Variants in CYRIA observed in about 807,000 individuals in gnomAD.
CYRIA encodes CYFIP related Rac1 interactor A, also known as CYFIP-related Rac1 interactor A.
In CYRIA, 15 loss-of-function variants were observed where a neutral mutation model predicts 43.9. That is an observed-to-expected ratio of 0.34 (90% CI 0.23 to 0.53). The LOEUF (loss-of-function observed/expected upper bound fraction) is 0.53, where lower values mean the gene tolerates loss of function less well. Ranked by LOEUF, CYRIA falls within the 20% of genes least tolerant of loss-of-function variation. The pLI is 0.94. For missense variants in CYRIA, 236 were observed against 394.2 expected, an observed-to-expected ratio of 0.60 and a Z score of 3.40; for synonymous variants, 117 against 136.0, an observed-to-expected ratio of 0.86 and a Z score of 0.97.
At chr2:16,663,415 G>A (rs1201550690) in intron 1 of CYRIA, among the ~76,000 whole-genome samples, 1 of 152,138 alleles carries the variant, frequency 6.6e-6, no homozygotes, top group African/African-American at 2.4e-5. Context: ...CCTAGAGCAT[G>A]GCAATGTGAA....
chr2:16,570,121 G>A (rs914635367), intron 3 of CYRIA, among the ~76,000 whole-genome samples: 7 of 151,990 alleles, frequency 4.6e-5, no homozygotes, highest in Non-Finnish European at 7.4e-5. Context: ...GTCCTATTAC[G>A]TTTAGATCCT....
chr2:16,617,237 G>T (rs6750902), intron 2 of CYRIA, among the ~76,000 whole-genome samples: 52,293 of 152,136 alleles, frequency 0.34, 10,097 homozygotes, highest in Non-Finnish European at 0.43. Context: ...ACCAAGTGGG[G>T]TCCTTAGAGG....
chr2:16,631,561 A>G (rs906377849), intron 1 of CYRIA, among the ~76,000 whole-genome samples: 2 of 152,248 alleles, frequency 1.3e-5, no homozygotes, highest in African/African-American at 4.8e-5. Flanking sequence ...ACTCAAGCCC[A>G]ACAATCATAA....
At chr2:16,561,623 A>G in intron 6 of CYRIA, 90 bp from the exon 7 acceptor site, 1 of 976,166 alleles carries the variant, frequency 1.0e-6, no homozygotes, top group Non-Finnish European at 1.6e-6. Context: ...GATTTTATAA[A>G]TACTCCAGGA....
chr2:16,654,904 C>T (rs530100692), intron 1 of CYRIA, among the ~76,000 whole-genome samples: 1 of 152,302 alleles, frequency 6.6e-6, no homozygotes, highest in African/African-American at 2.4e-5. Flanking sequence ...AACTCACATT[C>T]ATATACCACA....
chr2:16,590,948 C>T (rs150388814), intron 2 of CYRIA, among the ~76,000 whole-genome samples: 1 of 152,194 alleles, frequency 6.6e-6, no homozygotes, highest in East Asian at 1.9e-4. Context: ...ATTGGTCCAT[C>T]ATCACACAGA....
intron 10 of CYRIA, among the ~76,000 whole-genome samples, chr2:16,558,946 A>G (rs1363973205): frequency 6.6e-6 from 1 of 152,142 alleles, no homozygotes; most frequent in African/African-American, 2.4e-5. Context: ...ATCAGAGAGG[A>G]AGAGGAAGGG....
At chr2:16,560,702 G>T in intron 9 of CYRIA, 1 of 443,634 alleles carries the variant, frequency 2.3e-6, no homozygotes, top group Non-Finnish European at 4.1e-6. Flanking sequence ...CCTCCATTTG[G>T]TTCTTACAGA....
At chr2:16,663,394 T>C (rs994840090) in intron 1 of CYRIA, among the ~76,000 whole-genome samples, 1 of 152,206 alleles carries the variant, frequency 6.6e-6, no homozygotes, top group African/African-American at 2.4e-5. Context: ...GCTCAGCTTA[T>C]TTTTAACAAA....
intron 1 of CYRIA, among the ~76,000 whole-genome samples, chr2:16,655,951 C>T (rs566617319): frequency 2.0e-5 from 3 of 152,118 alleles, no homozygotes; most frequent in South Asian, 4.2e-4. Context: ...TTGCTTTCTG[C>T]CAGTTAATGT....
In CYRIA at chr2:16,657,484, T is replaced by A. The variant is rs1670148842; in HGVS notation, c.-167+8296A>T. Among the ~76,000 whole-genome samples, 4 of 151,946 alleles carry A rather than the reference T, an allele frequency of 2.6e-5. No individual in the cohort carries two copies. In the South Asian group the frequency reaches 8.3e-4, roughly 31 times the overall value. ...TGTTTTTTGATGTTTTTTGTTGTTT[T>A]TTTTTTTTTGGCTGTTGTTTTGTTT... is the stretch of plus-strand genomic sequence containing the variant. On this transcript the variant is annotated intron_variant, in intron 1 of 11. Coordinates refer to ENST00000381323, the MANE Select transcript of CYRIA (RefSeq NM_030797.4).
chr2:16,603,461 C>T (rs1158388059), intron 2 of CYRIA, among the ~76,000 whole-genome samples: 1 of 152,204 alleles, frequency 6.6e-6, no homozygotes, highest in Non-Finnish European at 1.5e-5. Flanking sequence ...TATCTGACAT[C>T]TAAGCACCAG....
At chr2:16,610,303 T>A (rs1223230670) in intron 2 of CYRIA, among the ~76,000 whole-genome samples, 1 of 152,214 alleles carries the variant, frequency 6.6e-6, no homozygotes, top group Admixed American at 6.5e-5. Context: ...CAGCCCATCA[T>A]ACCAGAAAAC....
chr2:16,560,440 G>A (rs1316333367), intron 9 of CYRIA, among the ~76,000 whole-genome samples: 1 of 152,124 alleles, frequency 6.6e-6, no homozygotes, highest in African/African-American at 2.4e-5. Context: ...TTATTTACAG[G>A]CATAGTAGGG....
chr2:16,622,627 A>G (rs566189173), intron 2 of CYRIA, among the ~76,000 whole-genome samples: 1 of 152,356 alleles, frequency 6.6e-6, no homozygotes, highest in East Asian at 1.9e-4. Flanking sequence ...GGAGTGTACT[A>G]TCCCTACCTT....
intron 1 of CYRIA, among the ~76,000 whole-genome samples, chr2:16,662,493 C>G (rs988546362): frequency 3.3e-5 from 5 of 152,202 alleles, no homozygotes; most frequent in Non-Finnish European, 5.9e-5. Flanking sequence ...GGAGTTTGAA[C>G]TCATGCCTGA....
At chr2:16,581,472 C>T (rs1372406134) in intron 3 of CYRIA, among the ~76,000 whole-genome samples, 1 of 152,038 alleles carries the variant, frequency 6.6e-6, no homozygotes. Context: ...ATGTGGAACA[C>T]TTGGAGTTGC....
intron 2 of CYRIA, among the ~76,000 whole-genome samples, chr2:16,590,379 G>A (rs1667884978): frequency 6.6e-6 from 1 of 152,132 alleles, no homozygotes; most frequent in African/African-American, 2.4e-5. Flanking sequence ...CTTGTAGGAA[G>A]ATGATTTTAC....
chr2:16,662,239 A>G lies in CYRIA; in HGVS notation c.-167+3541T>C, dbSNP rs113731598. 5.1e-3 allele frequency among the ~76,000 whole-genome samples: 782 copies of G among 152,354 alleles called. 3 individuals carry two copies. The highest frequency in any genetic ancestry group is 0.017 in the African/African-American group (706 of 41,570). ...GATCTCCAAAGGCTAGAATTCATCC[A>G]AAGAGCTTTGTACCATGGTTTTAAG... On this transcript the variant is annotated intron_variant, in intron 1 of 11. Coordinates refer to ENST00000381323, the MANE Select transcript of CYRIA (RefSeq NM_030797.4).
Sources: allele counts gnomAD v4.1 joint callset (sites outside exome capture counted in the v4.1 genomes callset), GRCh38; gene constraint gnomAD v4.1.1; transcripts MANE v1.5; gene names NCBI Gene and HGNC (gene_info 2026-07-23, HGNC 2026-07-21).